NHEJ1: variants seen among roughly 807,000 people sequenced by gnomAD.
NHEJ1 encodes non-homologous end joining factor 1.
A neutral mutation model predicts 39.4 loss-of-function variants in NHEJ1; 22 were observed. That is an observed-to-expected ratio of 0.56 (90% CI 0.40 to 0.80). The LOEUF is 0.80. Ranked by LOEUF, NHEJ1 falls within the 30% of genes least tolerant of loss-of-function variation. The probability of loss-of-function intolerance (pLI) is 0.00; values close to 1 mark genes in which losing one functional copy is unlikely to be tolerated. For missense variants in NHEJ1, 329 were observed against 357.1 expected (o/e 0.92, Z 0.63); for synonymous variants, 154 against 135.6 (o/e 1.14, Z -0.94).
chr2:219,106,596 G>A lies in NHEJ1; in HGVS notation c.589-28390C>T, dbSNP rs188460718. The stretch of plus-strand genomic sequence containing the variant: ...TACATTTTCACAGATATCTACAAGT[G>A]TTATATCCTCATCTTCAGGCATAAA... On this transcript the variant is annotated intron_variant, in intron 5 of 7. Transcript: ENST00000356853. Among the ~76,000 whole-genome samples, 85 of 152,286 alleles carry A rather than the reference G, an allele frequency of 5.6e-4. 1 individual carries two copies. Among genetic ancestry groups the A allele is most frequent in the Non-Finnish European group, 1.1e-3 (73 of 68,032 alleles).
chr2:219,092,623 C>G (rs1949170995), intron 5 of NHEJ1, among the ~76,000 whole-genome samples: 1 of 152,190 alleles, frequency 6.6e-6, no homozygotes, highest in Non-Finnish European at 1.5e-5. Flanking sequence ...AATAAAGATG[C>G]AACTTTCCCT....
At chr2:219,159,526 C>CATATATATATGCATACATATATATGCAT in intron 1 of NHEJ1, among the ~76,000 whole-genome samples, 1 of 42,108 alleles carries the variant, frequency 2.4e-5, no homozygotes, top group East Asian at 8.2e-4. Context: ...TATATATATG[C>CATATATATATGCATACATATATATGCAT]ATATATATAT....
chr2:219,116,616 CA>C (rs1949419281), intron 5 of NHEJ1, among the ~76,000 whole-genome samples: 4 of 152,244 alleles, frequency 2.6e-5, no homozygotes, highest in Admixed American at 2.0e-4. Flanking sequence ...CTTGGCCTCC[CA>C]AAGTACTGGG....
At chr2:219,140,704 C>T (rs533800661) in intron 5 of NHEJ1, among the ~76,000 whole-genome samples, 30 of 152,226 alleles carry the variant, frequency 2.0e-4, no homozygotes, top group African/African-American at 7.0e-4. Flanking sequence ...CAATTTTGGA[C>T]GTGTTGAATT....
chr2:219,122,926 C>A (rs1183782517), intron 5 of NHEJ1, among the ~76,000 whole-genome samples: 2 of 152,126 alleles, frequency 1.3e-5, no homozygotes, highest in African/African-American at 4.8e-5. Context: ...GAGTGGATAG[C>A]GGAGGCCAGT....
intron 5 of NHEJ1, among the ~76,000 whole-genome samples, chr2:219,081,118 G>C (rs1436556984): frequency 3.9e-5 from 6 of 152,190 alleles, no homozygotes; most frequent in Non-Finnish European, 8.8e-5. Context: ...ATAAAAAGGA[G>C]ACAGGTGGAC....
intron 5 of NHEJ1, among the ~76,000 whole-genome samples, chr2:219,086,921 TG>T (rs1949116911): frequency 6.6e-6 from 1 of 152,142 alleles, no homozygotes; most frequent in Non-Finnish European, 1.5e-5. Context: ...AAACTGTCCC[TG>T]GAGCCCCACC....
chr2:219,139,933 C>G (rs989668125), intron 5 of NHEJ1, among the ~76,000 whole-genome samples: 16 of 152,258 alleles, frequency 1.1e-4, no homozygotes, highest in Non-Finnish European at 2.2e-4. Flanking sequence ...TCTGCCTTGG[C>G]CTCCCAAAGT....
At chr2:219,110,268 C>T (rs1949353293) in intron 5 of NHEJ1, among the ~76,000 whole-genome samples, 1 of 152,100 alleles carries the variant, frequency 6.6e-6, no homozygotes. Context: ...GTAATCCCAG[C>T]ACTTTGGGAT....
At chr2:219,142,581 A>T (rs1949701827) in intron 5 of NHEJ1, among the ~76,000 whole-genome samples, 1 of 152,276 alleles carries the variant, frequency 6.6e-6, no homozygotes, top group South Asian at 2.1e-4. Flanking sequence ...GATGGCAACC[A>T]GATGGAGAGA....
At position 219,089,485 on chromosome 2, in the gene NHEJ1, G is replaced by A. The variant is rs145510733; in HGVS notation, c.589-11279C>T. On this transcript the variant is annotated intron_variant, in intron 5 of 7. Transcript: ENST00000356853. ...ATGCTAAGTGAAAGAAGCCAGACAC[G>A]AAAGACCACATACTGTATGATTCCG... 3.9e-5 allele frequency among the ~76,000 whole-genome samples: 6 copies of A among 152,292 alleles called. No individual in the cohort carries two copies. In the East Asian group the frequency reaches 1.2e-3, roughly 29 times the overall value.
At chr2:219,133,458 T>C (rs2106352407) in intron 5 of NHEJ1, among the ~76,000 whole-genome samples, 1 of 152,332 alleles carries the variant, frequency 6.6e-6, no homozygotes, top group African/African-American at 2.4e-5. Flanking sequence ...GGCCCTGAGA[T>C]AGAGTTAGAA....
intron 5 of NHEJ1, among the ~76,000 whole-genome samples, chr2:219,117,121 G>A (rs1177223439): frequency 6.6e-6 from 1 of 152,020 alleles, no homozygotes; most frequent in Non-Finnish European, 1.5e-5. Context: ...CTATCTGCCT[G>A]CATCGCCTTT....
intron 5 of NHEJ1, among the ~76,000 whole-genome samples, chr2:219,137,916 T>A (rs1030835085): frequency 3.4e-4 from 52 of 152,298 alleles, no homozygotes; most frequent in African/African-American, 1.2e-3. Flanking sequence ...TTATCATACC[T>A]TATATGCTCA....
chr2:219,141,216 C>T (rs186235990), intron 5 of NHEJ1, among the ~76,000 whole-genome samples: 33 of 152,162 alleles, frequency 2.2e-4, no homozygotes, highest in Admixed American at 2.0e-3. Context: ...TCCATCTCTA[C>T]AAAAAATACA....
chr2:219,118,811 G>A (rs1949441302), intron 5 of NHEJ1, among the ~76,000 whole-genome samples: 1 of 152,220 alleles, frequency 6.6e-6, no homozygotes, highest in Admixed American at 6.5e-5. Context: ...GCTTATGAAG[G>A]GAGTGGGGAA....
intron 5 of NHEJ1, among the ~76,000 whole-genome samples, chr2:219,145,064 A>C (rs1949723114): frequency 6.6e-6 from 1 of 152,028 alleles, no homozygotes; most frequent in African/African-American, 2.4e-5. Flanking sequence ...AAAATACAAA[A>C]ATTAGCTGGG....
At chr2:219,077,667 A>G (rs1332983740) in intron 6 of NHEJ1, among the ~76,000 whole-genome samples, 1 of 151,654 alleles carries the variant, frequency 6.6e-6, no homozygotes, top group East Asian at 1.9e-4. Flanking sequence ...TTTTTTTTAA[A>G]GAGATGAGGT....
intron 5 of NHEJ1, among the ~76,000 whole-genome samples, chr2:219,092,014 T>C (rs903712533): frequency 6.6e-6 from 1 of 152,208 alleles, no homozygotes; most frequent in Non-Finnish European, 1.5e-5. Flanking sequence ...AAGAAATAAA[T>C]GACTGATTGT....
Sources: allele counts gnomAD v4.1 joint callset (sites outside exome capture counted in the v4.1 genomes callset), GRCh38; gene constraint gnomAD v4.1.1; transcripts MANE v1.5; gene names NCBI Gene and HGNC (gene_info 2026-07-23, HGNC 2026-07-21).